Variants in EIF4E observed in about 807,000 individuals in gnomAD.
EIF4E encodes eIF-4F 25 kDa subunit.
For synonymous variants in EIF4E, 71 were observed against 88.5 expected, an observed-to-expected ratio of 0.80 and a Z score of 1.11; for missense variants, 113 against 265.6, an observed-to-expected ratio of 0.43 and a Z score of 3.99.
intron 1 of EIF4E, among the ~76,000 whole-genome samples, chr4:98,918,914 T>C (rs1453872958): frequency 6.6e-6 from 1 of 152,216 alleles, no homozygotes; most frequent in African/African-American, 2.4e-5. Flanking sequence ...CTCTAGGTCA[T>C]CTGCCTGGAT....
At position 98,880,895 on chromosome 4, in the gene EIF4E, A is replaced by G. The variant is rs1317961292; in HGVS notation, c.*133T>C. 5.4e-6 allele frequency: 8 copies of G among 1,476,736 alleles called. No homozygotes were observed. Among genetic ancestry groups the G allele is most frequent in the East Asian group, 2.6e-5 (1 of 39,000 alleles). 91.5% of individuals were successfully genotyped at this position (1,476,736 alleles called of 1,614,324 possible). A position where few individuals can be genotyped will look rare whatever the true frequency, so the allele number is the denominator to read the frequency against. On this transcript the variant is annotated 3_prime_UTR_variant, in exon 7 of 7. Coordinates refer to ENST00000450253, the MANE Select transcript of EIF4E (RefSeq NM_001968.5). Reference sequence around the variant, plus strand: ...GACAAAGGCGAATGAGACTTCTCTTATATCTGAGTAACATTAAGATGGAAA... The same window carrying G: ...GACAAAGGCGAATGAGACTTCTCTTGTATCTGAGTAACATTAAGATGGAAA...
At chr4:98,890,999 T>C (rs578020367) in intron 3 of EIF4E, 8 of 561,972 alleles carry the variant, frequency 1.4e-5, no homozygotes, top group African/African-American at 1.3e-4. Flanking sequence ...TAATGGATTC[T>C]TGAGCTAAGG....
intron 5 of EIF4E, 106 bp downstream of exon 5, chr4:98,886,973 G>T: frequency 2.6e-6 from 3 of 1,169,290 alleles, no homozygotes; most frequent in East Asian, 2.4e-5. Context: ...TTCTAGTGTT[G>T]GGCATCCTTC....
intron 2 of EIF4E, among the ~76,000 whole-genome samples, chr4:98,896,573 A>G: frequency 7.0e-6 from 1 of 142,570 alleles, no homozygotes; most frequent in Middle Eastern, 3.8e-3. Context: ...CTGATGTGGG[A>G]AGGTCATTTG....
chr4:98,882,563 C>T (rs1196334176), intron 6 of EIF4E, among the ~76,000 whole-genome samples: 3 of 151,742 alleles, frequency 2.0e-5, no homozygotes, highest in African/African-American at 7.3e-5. Context: ...AGATTTACTA[C>T]CTTCCCCCTA....
At chr4:98,916,679 C>T (rs1195761851) in intron 1 of EIF4E, among the ~76,000 whole-genome samples, 3 of 152,166 alleles carry the variant, frequency 2.0e-5, no homozygotes, top group Non-Finnish European at 2.9e-5. Flanking sequence ...TCAGACTCAT[C>T]AGCAGCTACA....
intron 2 of EIF4E, among the ~76,000 whole-genome samples, chr4:98,894,935 T>C (rs564924634): frequency 1.3e-5 from 2 of 152,328 alleles, no homozygotes; most frequent in East Asian, 3.9e-4. Context: ...GAGGCCACTG[T>C]AGGGCTATTA....
intron 1 of EIF4E, among the ~76,000 whole-genome samples, chr4:98,927,649 C>G (rs979698983): frequency 1.7e-5 from 1 of 59,588 alleles, no homozygotes. Flanking sequence ...AGCAAGACTC[C>G]ATCTCAAAAA....
At chr4:98,892,343 A>AC (rs1461571804) in intron 2 of EIF4E, among the ~76,000 whole-genome samples, 1 of 148,760 alleles carries the variant, frequency 6.7e-6, no homozygotes. Context: ...AAACAAACAA[A>AC]AAAAAAAAAC....
In EIF4E at chr4:98,879,641, G is replaced by C. The variant is rs909527552; in HGVS notation, c.*1387C>G. On this transcript the variant is annotated 3_prime_UTR_variant, in exon 7 of 7. Transcript: ENST00000450253. ...CACTAACAAGATTCTTAATGCATATGTCCCCACCACCTGTACTTTCCCTAC... is the reference window on the plus strand; with the variant it reads ...CACTAACAAGATTCTTAATGCATATCTCCCCACCACCTGTACTTTCCCTAC... 5 of 150,520 alleles carry C rather than the reference G, an allele frequency of 3.3e-5. No individual in the cohort carries two copies. The highest frequency in any genetic ancestry group is 7.4e-5 in the Non-Finnish European group (5 of 67,540). 9.3% of individuals were successfully genotyped at this position (150,520 alleles called of 1,614,324 possible).
Position 98,913,480 on chromosome 4 carries a change from G to A in EIF4E, c.19-11498C>T, listed in dbSNP as rs528585827. Among the ~76,000 whole-genome samples the A allele has an allele frequency of 8.5e-4, 129 of 152,140 alleles. 1 individual carries two copies. The highest frequency in any genetic ancestry group is 2.7e-3 in the African/African-American group (113 of 41,508). ...CTACAGGCATGAGCCACCATGCCCA[G>A]CTAATTTTTAGAGACAGGTCTCACT... On this transcript the variant is annotated intron_variant, in intron 1 of 6. Transcript: ENST00000450253.
chr4:98,929,000 G>T, intron 1 of EIF4E, 95 bp downstream of exon 1: 1 of 1,568,086 alleles, frequency 6.4e-7, no homozygotes, highest in African/African-American at 1.4e-5. Context: ...AAGGGGTACA[G>T]TGCGCGCCGG....
chr4:98,917,003 T>G (rs1344732719), intron 1 of EIF4E, among the ~76,000 whole-genome samples: 1 of 151,790 alleles, frequency 6.6e-6, no homozygotes, highest in African/African-American at 2.4e-5. Flanking sequence ...GCAATGTGAT[T>G]CAGGTGAATG....
chr4:98,909,795 G>C lies in EIF4E; in HGVS notation c.19-7813C>G, dbSNP rs1406441480. 5.7e-6 allele frequency: 4 copies of C among 700,078 alleles called. No homozygotes were observed. In the Admixed American group the frequency reaches 6.1e-5, roughly 11 times the overall value. 43.4% of individuals were successfully genotyped at this position (700,078 alleles called of 1,614,324 possible). On this transcript the variant is annotated intron_variant, in intron 1 of 6. Coordinates refer to ENST00000450253, the MANE Select transcript of EIF4E (RefSeq NM_001968.5). ...TCTTTTTCATGCATCACTTTTTCTC[G>C]ACCAACTGCTTCACCACAGGAGTCT...
intron 1 of EIF4E, chr4:98,909,684 T>C (rs537861221): frequency 1.4e-6 from 1 of 710,910 alleles, no homozygotes; most frequent in African/African-American, 1.7e-5. Flanking sequence ...TCACCTGGGA[T>C]TCTCGCAGAC....
At chr4:98,898,724 A>T (rs2110195277) in intron 2 of EIF4E, among the ~76,000 whole-genome samples, 1 of 152,286 alleles carries the variant, frequency 6.6e-6, no homozygotes, top group African/African-American at 2.4e-5. Flanking sequence ...TTTTCAGGTG[A>T]AATTATACAT....
chr4:98,902,139 G>T (rs994027927), intron 1 of EIF4E, among the ~76,000 whole-genome samples, 157 bp from the exon 2 acceptor site: 1 of 152,088 alleles, frequency 6.6e-6, no homozygotes, highest in Non-Finnish European at 1.5e-5. Context: ...TGCGATCTTG[G>T]CTCACTGCAA....
intron 1 of EIF4E, among the ~76,000 whole-genome samples, chr4:98,907,087 T>C (rs890226501): frequency 6.6e-6 from 1 of 152,208 alleles, no homozygotes; most frequent in African/African-American, 2.4e-5. Flanking sequence ...GCAAACTATA[T>C]GACCAGCCAC....
chr4:98,924,270 G>A (rs934161658), intron 1 of EIF4E, among the ~76,000 whole-genome samples: 2 of 152,040 alleles, frequency 1.3e-5, no homozygotes, highest in African/African-American at 4.8e-5. Context: ...GTAGAGGTGG[G>A]GTTTCACCAT....
Sources: allele counts gnomAD v4.1 joint callset (sites outside exome capture counted in the v4.1 genomes callset), GRCh38; gene constraint gnomAD v4.1.1; transcripts MANE v1.5; gene names NCBI Gene and HGNC (gene_info 2026-07-23, HGNC 2026-07-21).